The following ZNF25 variants were observed in gnomAD, a reference collection of about 807,000 sequenced individuals.
ZNF25 encodes zinc finger protein 25 (KOX 19).
A neutral mutation model predicts 30.9 loss-of-function variants in ZNF25; 21 were observed. The ratio of observed to expected loss-of-function variants is 0.68; its 90% CI spans 0.48 to 0.98. ZNF25 has a LOEUF of 0.98. Ranked by LOEUF, ZNF25 falls within the 50% of genes least tolerant of loss-of-function variation. ZNF25 has a pLI of 0.00. For synonymous variants in ZNF25, 169 were observed against 181.3 expected (o/e 0.93, Z 0.55); for missense variants, 501 against 529.9 (o/e 0.95, Z 0.54).
chr10:37,973,321 A>C (rs564691664), intron 1 of ZNF25, among the ~76,000 whole-genome samples: 6 of 152,220 alleles, frequency 3.9e-5, no homozygotes, highest in Non-Finnish European at 8.8e-5. Flanking sequence ...CCTATGATTA[A>C]AAGTATAAAA....
At chr10:37,962,475 TAAACTG>T (rs1312638033) in intron 2 of ZNF25, among the ~76,000 whole-genome samples, 2 of 152,172 alleles carry the variant, frequency 1.3e-5, no homozygotes, top group Non-Finnish European at 2.9e-5. Flanking sequence ...AAAAATATCT[TAAACTG>T]AAAGAATTGA....
At chr10:37,959,509 AT>A (rs2062726921) in intron 2 of ZNF25, among the ~76,000 whole-genome samples, 1 of 152,106 alleles carries the variant, frequency 6.6e-6, no homozygotes, top group South Asian at 2.1e-4. Flanking sequence ...AGGCTATGAA[AT>A]TTCCTCTAAT....
intron 4 of ZNF25, among the ~76,000 whole-genome samples, chr10:37,955,774 T>C (rs2135310170): frequency 6.6e-6 from 1 of 152,240 alleles, no homozygotes; most frequent in Middle Eastern, 3.4e-3. Flanking sequence ...GCTTCCTGGG[T>C]TTAAGCAATT....
At chr10:37,975,214 G>C (rs1215068831) in intron 1 of ZNF25, among the ~76,000 whole-genome samples, 1 of 152,168 alleles carries the variant, frequency 6.6e-6, no homozygotes, top group Non-Finnish European at 1.5e-5. Context: ...ATGGTTACAA[G>C]TGTTAGCAAT....
At chr10:37,976,101 T>A (rs1352836109) in intron 1 of ZNF25, among the ~76,000 whole-genome samples, 1 of 152,206 alleles carries the variant, frequency 6.6e-6, no homozygotes. Flanking sequence ...ATACTTTACA[T>A]CTATTACCCT....
intron 2 of ZNF25, among the ~76,000 whole-genome samples, chr10:37,958,131 G>A (rs555531801): frequency 2.6e-5 from 4 of 152,244 alleles, no homozygotes; most frequent in East Asian, 1.9e-4. Flanking sequence ...TCCTGATATC[G>A]AGGAGCTTAT....
intron 2 of ZNF25, among the ~76,000 whole-genome samples, chr10:37,970,422 T>C (rs1040883853): frequency 6.6e-6 from 1 of 152,114 alleles, no homozygotes; most frequent in African/African-American, 2.4e-5. Context: ...AAATTCAAGA[T>C]CCATTCATGA....
chr10:37,960,623 C>CAAAAAAAAAAAAA (rs201582068), intron 2 of ZNF25, among the ~76,000 whole-genome samples: 1 of 65,724 alleles, frequency 1.5e-5, no homozygotes, highest in Non-Finnish European at 2.5e-5. Context: ...GACTCCATCT[C>CAAAAAAAAAAAAA]AAAAAAAAAA....
intron 2 of ZNF25, among the ~76,000 whole-genome samples, chr10:37,967,318 T>G (rs1455976711): frequency 6.6e-6 from 1 of 152,184 alleles, no homozygotes; most frequent in Non-Finnish European, 1.5e-5. Context: ...AAGCTGCAGT[T>G]ATCAAAACAG....
Position 37,953,165 on chromosome 10 carries a change from A to C in ZNF25, c.333T>G (p.Thr111=). Residue 111 remains threonine (T), a synonymous_variant, in exon 6 of 6, where the codon ACT becomes ACG. Transcript: ENST00000302609. ...ATTCACAGGCTTTCTCTGTGGTATGAGTTTTCTGATGTTTTGTGAGTTCTC... is the reference window on the plus strand; with the variant it reads ...ATTCACAGGCTTTCTCTGTGGTATGCGTTTTCTGATGTTTTGTGAGTTCTC... The part of the protein sequence containing the change: ...RNGELTKHQK[T]HTTEKACECK... 6.3e-7 allele frequency: 1 copy of C among 1,592,236 alleles called. No individual in the cohort carries two copies.
rs1430305315 is a variant in ZNF25, at chr10:37,952,917, C to A, written c.581G>T (p.Arg194Ile). ...YHLSSLSRHL[R>I]THAGEKPYEC... The stretch of plus-strand genomic sequence containing the variant: ...ATAGGGTTTCTCTCCTGCATGGGTT[C>A]TCAGATGTCTACTGAGAGATGATAG... Residue 194 changes from arginine to isoleucine, a missense_variant, in exon 6 of 6, where the codon AGA (arginine) becomes ATA (isoleucine). Physicochemically the swap from Arg to Ile is moderately conservative, Grantham distance 97 (BLOSUM62 -3). Coordinates refer to ENST00000302609, the MANE Select transcript of ZNF25 (RefSeq NM_145011.4). 3.1e-6 allele frequency: 5 copies of A among 1,614,058 alleles called. No individual in the cohort carries two copies. Among genetic ancestry groups the A allele is most frequent in the Non-Finnish European group, 4.2e-6 (5 of 1,180,040 alleles).
rs1016245303 is a variant in ZNF25, at chr10:37,960,063, C to T, written c.16-2517G>A. The stretch of plus-strand genomic sequence containing the variant: ...CCGAGTAGCTGGGACTATAGATGCC[C>T]GCCACCATGCTCGGCTAATTTTTTA... On this transcript the variant is annotated intron_variant, in intron 2 of 5. Transcript: ENST00000302609. Among the ~76,000 whole-genome samples, 14 of 152,174 alleles carry T rather than the reference C, an allele frequency of 9.2e-5. No individual in the cohort carries two copies. In the South Asian group the frequency reaches 1.2e-3, roughly 14 times the overall value.
At chr10:37,955,393 C>T (rs1411614445) in intron 4 of ZNF25, among the ~76,000 whole-genome samples, 1 of 152,054 alleles carries the variant, frequency 6.6e-6, no homozygotes, top group African/African-American at 2.4e-5. Context: ...AGGCTTCTGG[C>T]AATGTACATC....
In ZNF25 at chr10:37,952,041, G is replaced by T; in HGVS notation, c.*86C>A. 7.7e-7 allele frequency: 1 copy of T among 1,296,194 alleles called. No individual in the cohort carries two copies. Among genetic ancestry groups the T allele is most frequent in the Non-Finnish European group, 1.1e-6 (1 of 947,586 alleles). The allele number at this position is 1,296,194 out of a possible 1,614,324, so 80.3% of individuals were successfully genotyped here. A position where few individuals can be genotyped will look rare whatever the true frequency, so the allele number is the denominator to read the frequency against. ...TTGTAGCTGAAAATTTCCCTCTATT[G>T]ATGCGATTCATAAGGTGTACCTCTT... On this transcript the variant is annotated 3_prime_UTR_variant, in exon 6 of 6. Coordinates refer to ENST00000302609, the MANE Select transcript of ZNF25 (RefSeq NM_145011.4).
intron 2 of ZNF25, among the ~76,000 whole-genome samples, chr10:37,964,127 C>G (rs2063050161): frequency 6.6e-6 from 1 of 152,160 alleles, no homozygotes; most frequent in African/African-American, 2.4e-5. Context: ...TGAGCAGATG[C>G]CAGTGCCATG....
At position 37,957,429 on chromosome 10, in the gene ZNF25, C is replaced by G; in HGVS notation, c.133G>C (p.Val45Leu). 6.2e-7 allele frequency: 1 copy of G among 1,612,834 alleles called. No homozygotes were observed. The highest frequency in any genetic ancestry group is 8.5e-7 in the Non-Finnish European group (1 of 1,179,488). The change falls in exon 3 of 6, where the codon GTC (valine) becomes CTC (leucine). Residue 45 changes from valine (V) to leucine (L), a missense_variant. Physicochemically the swap from Val to Leu is conservative, Grantham distance 32. Coordinates refer to ENST00000302609, the MANE Select transcript of ZNF25 (RefSeq NM_145011.4). Reference sequence around the variant, plus strand: ...GGGAAGTTTTCCTCACCCACTGAGACAAGGTGACTATAGTTTTCCAGCATC... The same window carrying G: ...GGGAAGTTTTCCTCACCCACTGAGAGAAGGTGACTATAGTTTTCCAGCATC... ...DVMLENYSHL[V>L]SVGYHVNKPN...
At chr10:37,961,388 T>C (rs955487403) in intron 2 of ZNF25, among the ~76,000 whole-genome samples, 8 of 152,106 alleles carry the variant, frequency 5.3e-5, no homozygotes, top group African/African-American at 1.7e-4. Flanking sequence ...AACTGACATA[T>C]GACTTCTCAT....
At chr10:37,961,267 A>AT (rs894303874) in intron 2 of ZNF25, among the ~76,000 whole-genome samples, 12 of 152,146 alleles carry the variant, frequency 7.9e-5, no homozygotes, top group African/African-American at 2.7e-4. Context: ...ATACATCTGT[A>AT]TTTTTTTAAA....
At position 37,957,134 on chromosome 10, in the gene ZNF25, A is replaced by AC. The variant is rs753452486; in HGVS notation, c.143-20_143-19insG. 8.1e-6 allele frequency: 13 copies of AC among 1,603,034 alleles called. No homozygotes were observed. The East Asian group carries it at 2.9e-4, about 36-fold the overall frequency. On this transcript the variant is annotated intron_variant, in intron 3 of 5. Transcript: ENST00000302609. ...TGGTAACCTATGAATGGAAAATATCAAGGAAATGATACAAATTGCTTGGAA... is the reference window on the plus strand; with the variant it reads ...TGGTAACCTATGAATGGAAAATATCACAGGAAATGATACAAATTGCTTGGAA...
Sources: gnomAD v4.1 joint callset for allele counts (sites outside exome capture counted in the v4.1 genomes callset) on GRCh38, gnomAD v4.1.1 for gene constraint, MANE v1.5 for transcripts, NCBI Gene and HGNC (gene_info 2026-07-23, HGNC 2026-07-21) for gene names.